The following GPATCH2 variants were observed in gnomAD, a reference collection of about 807,000 sequenced individuals.
The protein encoded by GPATCH2 is G-patch domain containing 2.
Under a neutral mutation model 58.0 loss-of-function variants are expected in GPATCH2, and 51 were observed. The observed-to-expected ratio is 0.88, with a 90% CI of 0.70 to 1.11. The LOEUF (loss-of-function observed/expected upper bound fraction) is 1.11. GPATCH2 is among the 50% of genes most tolerant of loss of function. The probability of loss-of-function intolerance (pLI) is 0.00; values close to 1 mark genes in which losing one functional copy is unlikely to be tolerated. For missense variants in GPATCH2, 625 were observed against 652.2 expected, an observed-to-expected ratio of 0.96 and a Z score of 0.45; for synonymous variants, 222 against 218.5, an observed-to-expected ratio of 1.02 and a Z score of -0.14.
chr1:217,508,742 C>T (rs922958865), intron 6 of GPATCH2, among the ~76,000 whole-genome samples: 16 of 151,836 alleles, frequency 1.1e-4, no homozygotes, highest in African/African-American at 3.9e-4. Flanking sequence ...AATTTCAAAA[C>T]GTAGGTTACT....
intron 8 of GPATCH2, among the ~76,000 whole-genome samples, chr1:217,461,125 GAAGAT>G (rs1410253927): frequency 6.6e-6 from 1 of 152,164 alleles, no homozygotes; most frequent in East Asian, 1.9e-4. Flanking sequence ...TCCATATTGA[GAAGAT>G]AAGACTAAAT....
At chr1:217,520,270 A>G (rs1307184693) in intron 5 of GPATCH2, among the ~76,000 whole-genome samples, 2 of 152,232 alleles carry the variant, frequency 1.3e-5, no homozygotes, top group African/African-American at 2.4e-5. Flanking sequence ...CCTAGAAAGA[A>G]TATTCAGGAA....
At chr1:217,586,541 C>T (rs574086432) in intron 5 of GPATCH2, among the ~76,000 whole-genome samples, 27 of 152,246 alleles carry the variant, frequency 1.8e-4, no homozygotes, top group African/African-American at 6.3e-4. Context: ...GTGATAACAA[C>T]GTCTTCTGGA....
At chr1:217,592,379 A>T (rs1667633001) in intron 5 of GPATCH2, among the ~76,000 whole-genome samples, 1 of 151,978 alleles carries the variant, frequency 6.6e-6, no homozygotes, top group South Asian at 2.1e-4. Flanking sequence ...ATTGGTGGGA[A>T]AGTAGATGGC....
intron 9 of GPATCH2, among the ~76,000 whole-genome samples, chr1:217,448,025 G>C (rs1005335128): frequency 2.6e-5 from 4 of 151,566 alleles, no homozygotes; most frequent in Non-Finnish European, 4.4e-5. Context: ...TTGAACCCTG[G>C]AGGTGGAGGT....
intron 3 of GPATCH2, among the ~76,000 whole-genome samples, chr1:217,612,049 A>G (rs1436688214): frequency 1.3e-5 from 2 of 151,928 alleles, no homozygotes; most frequent in African/African-American, 4.8e-5. Context: ...GCATGATGAC[A>G]TGCACCTGTA....
In GPATCH2 at chr1:217,429,825, C is replaced by CAAAAAA. The variant is rs71166007; in HGVS notation, c.*1314_*1319dup. 2 of 87,974 alleles carry CAAAAAA rather than the reference C, an allele frequency of 2.3e-5. No homozygotes were observed. The highest frequency in any genetic ancestry group is 4.5e-5 in the Non-Finnish European group (2 of 44,762). The allele number at this position is 87,974 out of a possible 1,614,324, so 5.4% of individuals were successfully genotyped here. A position where few individuals can be genotyped will look rare whatever the true frequency, so the allele number is the denominator to read the frequency against. On this transcript the variant is annotated 3_prime_UTR_variant, in exon 10 of 10. Transcript: ENST00000366935. ...CCTGGGCGACAGAGGCAGACTCTGT[C>CAAAAAA]AAAAAAAAAAAAAAAAAAAAAGAAA... is the stretch of plus-strand genomic sequence containing the variant.
At chr1:217,524,444 C>T (rs1370825630) in intron 5 of GPATCH2, among the ~76,000 whole-genome samples, 1 of 151,938 alleles carries the variant, frequency 6.6e-6, no homozygotes, top group Non-Finnish European at 1.5e-5. Flanking sequence ...ACGCTCCTCA[C>T]TTCCCAGACG....
At chr1:217,539,158 A>G (rs1664611830) in intron 5 of GPATCH2, among the ~76,000 whole-genome samples, 1 of 152,126 alleles carries the variant, frequency 6.6e-6, no homozygotes. Context: ...ACATCAGATT[A>G]AAAAAATAAA....
At position 217,589,791 on chromosome 1, in the gene GPATCH2, A is replaced by G. The variant is rs146002068; in HGVS notation, c.1098+20530T>C. ...AAAGCAATTGAATGAAATAGGCACT[A>G]GACTCAAACTTATTGCTCTATTCAG... is the stretch of plus-strand genomic sequence containing the variant. On this transcript the variant is annotated intron_variant, in intron 5 of 9. Coordinates refer to ENST00000366935, the MANE Select transcript of GPATCH2 (RefSeq NM_018040.5). Among the ~76,000 whole-genome samples the G allele has an allele frequency of 4.6e-3, 702 of 152,328 alleles. 7 individuals are homozygous for G. Among genetic ancestry groups the G allele is most frequent in the African/African-American group, 0.016 (662 of 41,572 alleles).
intron 3 of GPATCH2, among the ~76,000 whole-genome samples, chr1:217,612,547 AAC>A (rs913824277): frequency 6.6e-6 from 1 of 152,146 alleles, no homozygotes; most frequent in Admixed American, 6.5e-5. Context: ...AATTTTTCAA[AAC>A]ACACAATTAA....
intron 1 of GPATCH2, among the ~76,000 whole-genome samples, chr1:217,624,157 C>T (rs1299684196): frequency 1.3e-5 from 2 of 152,126 alleles, no homozygotes; most frequent in Admixed American, 6.5e-5. Context: ...CAACCAAAAC[C>T]CATGCTAATG....
intron 1 of GPATCH2, among the ~76,000 whole-genome samples, chr1:217,629,566 C>T (rs1294664629): frequency 5.3e-5 from 8 of 152,090 alleles, no homozygotes; most frequent in Admixed American, 1.3e-4. Context: ...CCTGACTTAA[C>T]CAAGATAATG....
intron 5 of GPATCH2, among the ~76,000 whole-genome samples, chr1:217,531,477 T>C (rs1191059784): frequency 6.6e-6 from 1 of 152,184 alleles, no homozygotes; most frequent in Non-Finnish European, 1.5e-5. Flanking sequence ...GGATATGGTG[T>C]TTTTGAAGGC....
chr1:217,446,945 G>A (rs924610005), intron 9 of GPATCH2, among the ~76,000 whole-genome samples: 5 of 152,142 alleles, frequency 3.3e-5, no homozygotes, highest in African/African-American at 4.8e-5. Context: ...GTGTTAGGAC[G>A]TGACCCCAGT....
intron 1 of GPATCH2, among the ~76,000 whole-genome samples, chr1:217,628,777 G>A (rs1329683877): frequency 1.3e-5 from 2 of 151,666 alleles, no homozygotes; most frequent in Non-Finnish European, 2.9e-5. Context: ...CGTCCACACT[G>A]GAGAAGTTGA....
At chr1:217,523,847 G>C (rs112326740) in intron 5 of GPATCH2, among the ~76,000 whole-genome samples, 6 of 147,430 alleles carry the variant, frequency 4.1e-5, no homozygotes, top group African/African-American at 1.3e-4. Context: ...TGGCCGGGCG[G>C]GGGGCTGACC....
rs577359660 is a variant in GPATCH2 at position 217,513,283 on chromosome 1, CTT to C, written c.1166+1537_1166+1538del. ...TCCAGCCTGGGTGACAAGAGGGAGA[CTT>C]TGTCTCAGGGAAAAAAAAAAAATTA... On this transcript the variant is annotated intron_variant, in intron 6 of 9. Transcript: ENST00000366935. 1.4e-4 allele frequency among the ~76,000 whole-genome samples: 21 copies of C among 151,760 alleles called. No individual in the cohort carries two copies. In the South Asian group the frequency reaches 4.2e-3, roughly 30 times the overall value.
chr1:217,614,093 A>G (rs761969772), intron 3 of GPATCH2, 48 bp downstream of exon 3: 1 of 999,374 alleles, frequency 1.0e-6, no homozygotes, highest in East Asian at 2.4e-5. Flanking sequence ...GCTCCACTTT[A>G]GAATGAAGAA....
Sources: gnomAD v4.1 joint callset for allele counts (sites outside exome capture counted in the v4.1 genomes callset) on GRCh38, gnomAD v4.1.1 for gene constraint, MANE v1.5 for transcripts, NCBI Gene and HGNC (gene_info 2026-07-23, HGNC 2026-07-21) for gene names.